SH3RF2: variants seen among roughly 807,000 people sequenced by gnomAD.
SH3RF2 encodes the protein SH3 domain containing ring finger 2, also known as E3 ubiquitin-protein ligase SH3RF2.
In SH3RF2, 43 loss-of-function variants were observed where a neutral mutation model predicts 59.0. That is an observed-to-expected ratio of 0.73 (90% CI 0.57 to 0.94). SH3RF2 has a LOEUF of 0.94. Among genes scored for constraint, SH3RF2 ranks in the 40% least tolerant of loss-of-function variants. SH3RF2 has a pLI of 0.00. For missense variants in SH3RF2, 930 were observed against 940.1 expected (o/e 0.99, Z 0.14); for synonymous variants, 391 against 391.5 (o/e 1.00, Z 0.01).
At position 145,970,609 on chromosome 5, in the gene SH3RF2, A is replaced by G. The variant is rs556234447; in HGVS notation, c.379-29449A>G. ...ATGTGATGCCTTCTACCATGTTATGATGCAACAAAAAGGCCCTTAACATTG... is the reference window on the plus strand; with the variant it reads ...ATGTGATGCCTTCTACCATGTTATGGTGCAACAAAAAGGCCCTTAACATTG... On this transcript the variant is annotated intron_variant, in intron 2 of 9. Transcript: ENST00000359120. 2.0e-5 allele frequency among the ~76,000 whole-genome samples: 3 copies of G among 152,292 alleles called. No individual in the cohort carries two copies. The East Asian group carries it at 5.8e-4, about 29-fold the overall frequency.
intron 5 of SH3RF2, among the ~76,000 whole-genome samples, chr5:146,035,556 T>C (rs1761909519): frequency 6.6e-6 from 1 of 152,164 alleles, no homozygotes; most frequent in South Asian, 2.1e-4. Context: ...TGGGGACCCA[T>C]ACCCAGGGAC....
chr5:146,012,688 T>C (rs1760951712), intron 4 of SH3RF2, among the ~76,000 whole-genome samples: 1 of 152,122 alleles, frequency 6.6e-6, no homozygotes, highest in African/African-American at 2.4e-5. Context: ...ATTTAAGAGT[T>C]ATTGCACTAA....
At chr5:146,018,514 CCACA>C (rs1429001619) in intron 5 of SH3RF2, among the ~76,000 whole-genome samples, 1 of 146,178 alleles carries the variant, frequency 6.8e-6, no homozygotes, top group Non-Finnish European at 1.5e-5. Context: ...ATATACACAC[CCACA>C]CACACACACA....
intron 7 of SH3RF2, 143 bp from the exon 8 acceptor site, chr5:146,055,838 A>G: frequency 1.1e-6 from 1 of 898,176 alleles, no homozygotes; most frequent in Non-Finnish European, 1.7e-6. Flanking sequence ...AGTTCACAAA[A>G]TGGGTGTGTA....
chr5:146,068,879 C>T (rs111470895), intron 9 of SH3RF2, among the ~76,000 whole-genome samples: 26 of 152,238 alleles, frequency 1.7e-4, no homozygotes, highest in African/African-American at 6.3e-4. Flanking sequence ...TGTAATTATA[C>T]AGGATCATAA....
chr5:145,964,272 T>TTTCCTTCC lies in SH3RF2; in HGVS notation c.378+25993_378+26000dup, dbSNP rs35100856. Among the ~76,000 whole-genome samples the TTTCCTTCC allele has an allele frequency of 9.1e-3, 1,119 of 123,000 alleles. 15 individuals are homozygous for TTTCCTTCC. The highest frequency in any genetic ancestry group is 0.021 in the South Asian group (74 of 3,598). The allele number at this position is 123,000 out of a possible 152,430, so 80.7% of individuals were successfully genotyped here. ...TCTCTTTCTTTCTTCTTTCCCTTCT[T>TTTCCTTCC]TTCCTTCCTTCCTTCCTTCCTTCCT... On this transcript the variant is annotated intron_variant, in intron 2 of 9. Transcript: ENST00000359120.
chr5:146,007,647 A>G (rs538188642), intron 4 of SH3RF2, among the ~76,000 whole-genome samples: 1 of 152,088 alleles, frequency 6.6e-6, no homozygotes, highest in Non-Finnish European at 1.5e-5. Context: ...TCTGAAACCC[A>G]TTTCCCAAAA....
chr5:145,938,676 T>C lies in SH3RF2; in HGVS notation c.378+370T>C, dbSNP rs565898636. 8.3e-4 allele frequency among the ~76,000 whole-genome samples: 126 copies of C among 152,314 alleles called. 1 individual carries two copies. The highest frequency in any genetic ancestry group is 3.0e-3 in the African/African-American group (123 of 41,578). ...GGAGAAACAAAAGAGAGAAAACAAA[T>C]CCAACTGCTTGTTGCTTTTGAGATC... On this transcript the variant is annotated intron_variant, in intron 2 of 9. Transcript: ENST00000359120.
At chr5:146,068,209 G>A (rs1012741805), downstream of SH3RF2, among the ~76,000 whole-genome samples, 1 of 152,222 alleles carries the variant, frequency 6.6e-6, no homozygotes, top group Non-Finnish European at 1.5e-5. Context: ...TGGCAGGTAC[G>A]GAAGTTATCT....
intron 9 of SH3RF2, among the ~76,000 whole-genome samples, chr5:146,077,639 T>C (rs917699214): frequency 6.6e-6 from 1 of 152,214 alleles, no homozygotes; most frequent in Admixed American, 6.5e-5. Context: ...ATCATGTTGA[T>C]ATAGTACTAT....
chr5:146,041,465 C>T (rs939531361), intron 5 of SH3RF2, among the ~76,000 whole-genome samples: 11 of 152,218 alleles, frequency 7.2e-5, no homozygotes, highest in African/African-American at 1.9e-4. Flanking sequence ...GTGCCTAGCA[C>T]GGTGCCTAGG....
At chr5:146,073,087 G>A (rs185635679) in intron 9 of SH3RF2, among the ~76,000 whole-genome samples, 5 of 152,332 alleles carry the variant, frequency 3.3e-5, no homozygotes, top group East Asian at 1.9e-4. Flanking sequence ...CAGGGCAACC[G>A]TTAGCAAAGA....
intron 9 of SH3RF2, among the ~76,000 whole-genome samples, chr5:146,061,463 C>A (rs1411947038): frequency 6.6e-6 from 1 of 152,134 alleles, no homozygotes; most frequent in Non-Finnish European, 1.5e-5. Flanking sequence ...CTTTTAGATA[C>A]AACTATAAGC....
At chr5:146,012,975 C>CTTT (rs368721283) in intron 4 of SH3RF2, among the ~76,000 whole-genome samples, 1 of 148,884 alleles carries the variant, frequency 6.7e-6, no homozygotes, top group African/African-American at 2.5e-5. Context: ...TTTCTTGTTA[C>CTTT]TTTTTTTTTT....
intron 2 of SH3RF2, among the ~76,000 whole-genome samples, chr5:145,977,887 CTGAT>C (rs376205097): frequency 7.9e-5 from 12 of 152,304 alleles, no homozygotes; most frequent in African/African-American, 2.6e-4. Context: ...ATTTTGTGGA[CTGAT>C]TGACCCCTGT....
chr5:145,980,842 C>T (rs1279568080), intron 2 of SH3RF2, among the ~76,000 whole-genome samples: 1 of 151,958 alleles, frequency 6.6e-6, no homozygotes, highest in Non-Finnish European at 1.5e-5. Flanking sequence ...GCTTATATAC[C>T]TATCGCCCAG....
At chr5:146,034,865 G>A (rs536229774) in intron 5 of SH3RF2, among the ~76,000 whole-genome samples, 127 of 152,198 alleles carry the variant, frequency 8.3e-4, no homozygotes, top group Non-Finnish European at 1.7e-3. Flanking sequence ...CTAGAACTTT[G>A]GGAGGCCAAG....
chr5:146,069,235 G>A (rs541487370), intron 9 of SH3RF2, among the ~76,000 whole-genome samples: 2 of 152,142 alleles, frequency 1.3e-5, no homozygotes, highest in African/African-American at 4.8e-5. Context: ...ATTTTGATGC[G>A]CCAACATGTC....
At chr5:145,991,833 A>C (rs573361098) in intron 2 of SH3RF2, among the ~76,000 whole-genome samples, 1 of 152,344 alleles carries the variant, frequency 6.6e-6, no homozygotes, top group South Asian at 2.1e-4. Flanking sequence ...AAAAGAAAGA[A>C]AGAAAGCTAG....
Sources: gnomAD v4.1 joint callset for allele counts (sites outside exome capture counted in the v4.1 genomes callset) on GRCh38, gnomAD v4.1.1 for gene constraint, MANE v1.5 for transcripts, NCBI Gene and HGNC (gene_info 2026-07-23, HGNC 2026-07-21) for gene names.